The following GALNT13 variants were observed in gnomAD, a reference collection of about 807,000 sequenced individuals.
GALNT13 encodes UDP-GalNAc:polypeptide N-acetylgalactosaminyltransferase 13.
In GALNT13, 28 loss-of-function variants were observed where a neutral mutation model predicts 64.2. That is an observed-to-expected ratio of 0.44 (90% CI 0.32 to 0.60). The LOEUF (loss-of-function observed/expected upper bound fraction) is 0.60, where lower values mean the gene tolerates loss of function less well. GALNT13 is among the 20% of genes least tolerant of loss of function. The pLI is 0.05. For synonymous variants in GALNT13, 214 were observed against 224.6 expected, an observed-to-expected ratio of 0.95 and a Z score of 0.42; for missense variants, 577 against 669.8, an observed-to-expected ratio of 0.86 and a Z score of 1.53.
chr2:153,181,030 CTT>C, the GALNT13 span, among the ~76,000 whole-genome samples: 47 of 32,078 alleles, frequency 1.5e-3, no homozygotes, highest in African/African-American at 4.0e-3. Context: ...TTTATTGTTT[CTT>C]TTTTTTTTTT....
At chr2:154,120,781 G>A (rs1389091300) in intron 3 of GALNT13, among the ~76,000 whole-genome samples, 2 of 152,138 alleles carry the variant, frequency 1.3e-5, no homozygotes, top group Non-Finnish European at 2.9e-5. Context: ...AGGCAACTAG[G>A]TCAGTTTTTT....
At chr2:153,832,498 G>A in the GALNT13 span, among the ~76,000 whole-genome samples, 2 of 152,084 alleles carry the variant, frequency 1.3e-5, no homozygotes, top group Non-Finnish European at 2.9e-5. Context: ...CTACTAATCC[G>A]GGGAGTGTGA....
chr2:154,403,887 C>T (rs1699411249), intron 10 of GALNT13, among the ~76,000 whole-genome samples: 1 of 152,246 alleles, frequency 6.6e-6, no homozygotes, highest in Non-Finnish European at 1.5e-5. Context: ...CATAGAATAC[C>T]TTTACGTTTT....
At chr2:154,297,678 C>T (rs748923178) in intron 8 of GALNT13, among the ~76,000 whole-genome samples, 1 of 151,880 alleles carries the variant, frequency 6.6e-6, no homozygotes. Flanking sequence ...CGCAAGCAAA[C>T]GAAAACAGAT....
the GALNT13 span, among the ~76,000 whole-genome samples, chr2:153,167,009 C>T: frequency 6.6e-6 from 1 of 152,202 alleles, no homozygotes; most frequent in African/African-American, 2.4e-5. Context: ...CCTTGTGAGA[C>T]TCTGAAGCAG....
Position 153,883,818 on chromosome 2 carries a change from C to A in GALNT13, c.-177+11515C>A, listed in dbSNP as rs562661764. On this transcript the variant is annotated intron_variant, in intron 1 of 12. Transcript: ENST00000392825. The stretch of plus-strand genomic sequence containing the variant: ...GCAAAAAGGGAAAATAACCATAGGA[C>A]TTTAGTTGGCTCCAAAATGAATAAT... 2.6e-5 allele frequency among the ~76,000 whole-genome samples: 4 copies of A among 152,076 alleles called. No homozygotes were observed. In the South Asian group the frequency reaches 8.3e-4, roughly 32 times the overall value.
At chr2:154,175,824 C>T (rs1458870051) in intron 4 of GALNT13, among the ~76,000 whole-genome samples, 1 of 152,062 alleles carries the variant, frequency 6.6e-6, no homozygotes, top group South Asian at 2.1e-4. Flanking sequence ...CAGACACTTG[C>T]AACTATAATG....
At chr2:154,011,526 G>A (rs1444581612) in intron 3 of GALNT13, among the ~76,000 whole-genome samples, 1 of 152,162 alleles carries the variant, frequency 6.6e-6, no homozygotes, top group Non-Finnish European at 1.5e-5. Context: ...ATGTGCAGAT[G>A]AGAAGAATGT....
chr2:153,300,031 T>C, the GALNT13 span, among the ~76,000 whole-genome samples: 1 of 152,148 alleles, frequency 6.6e-6, no homozygotes, highest in Non-Finnish European at 1.5e-5. Context: ...ATTCCACAGC[T>C]GTTCTAGAGC....
At chr2:153,719,645 C>T in the GALNT13 span, among the ~76,000 whole-genome samples, 279 of 152,258 alleles carry the variant, frequency 1.8e-3, 2 homozygotes, top group Middle Eastern at 6.8e-3. Context: ...ATTGCCTCAC[C>T]TGGGAAGTGC....
At chr2:153,788,035 A>C in the GALNT13 span, among the ~76,000 whole-genome samples, 1 of 152,204 alleles carries the variant, frequency 6.6e-6, no homozygotes, top group South Asian at 2.1e-4. Flanking sequence ...TATCCATGAG[A>C]ACTTCCCGAA....
intron 9 of GALNT13, among the ~76,000 whole-genome samples, chr2:154,383,695 G>C (rs1175989023): frequency 6.6e-6 from 1 of 151,708 alleles, no homozygotes; most frequent in African/African-American, 2.4e-5. Context: ...AAATATTACT[G>C]TTATGATATT....
At chr2:153,833,819 G>C in the GALNT13 span, among the ~76,000 whole-genome samples, 1 of 152,048 alleles carries the variant, frequency 6.6e-6, no homozygotes, top group Admixed American at 6.6e-5. Flanking sequence ...TCTCCAGGTA[G>C]AACCATTTTG....
At chr2:153,266,081 G>A in the GALNT13 span, among the ~76,000 whole-genome samples, 83 of 152,172 alleles carry the variant, frequency 5.5e-4, no homozygotes, top group Admixed American at 1.8e-3. Flanking sequence ...ATATTCAGTG[G>A]GAAACCAAAA....
the GALNT13 span, among the ~76,000 whole-genome samples, chr2:153,332,270 A>T: frequency 6.6e-6 from 1 of 152,122 alleles, no homozygotes; most frequent in Non-Finnish European, 1.5e-5. Context: ...GTGATGTTAG[A>T]TGGCTAAAAT....
the GALNT13 span, among the ~76,000 whole-genome samples, chr2:153,071,482 A>G: frequency 1.1e-4 from 16 of 152,322 alleles, no homozygotes; most frequent in Admixed American, 7.8e-4. Flanking sequence ...ACAAACCTCC[A>G]AAATTACTGG....
intron 3 of GALNT13, among the ~76,000 whole-genome samples, chr2:154,139,074 CT>C (rs1249430396): frequency 1.3e-5 from 2 of 151,662 alleles, no homozygotes; most frequent in Admixed American, 6.6e-5. Context: ...AGGCCAATCA[CT>C]TTTTTTTACC....
the GALNT13 span, among the ~76,000 whole-genome samples, chr2:153,474,463 G>A: frequency 2.0e-5 from 3 of 152,192 alleles, no homozygotes; most frequent in African/African-American, 7.2e-5. Context: ...CATCTACCAG[G>A]AACTAGTGTG....
intron 4 of GALNT13, among the ~76,000 whole-genome samples, chr2:154,225,167 TA>T (rs1478379232): frequency 2.2e-4 from 31 of 142,934 alleles, no homozygotes; most frequent in Middle Eastern, 3.6e-3. Context: ...AGATGATAGA[TA>T]GATAGATAGA....
Sources: allele counts gnomAD v4.1 joint callset (sites outside exome capture counted in the v4.1 genomes callset), GRCh38; gene constraint gnomAD v4.1.1; transcripts MANE v1.5; gene names NCBI Gene and HGNC (gene_info 2026-07-23, HGNC 2026-07-21).